ZC3H12B: variants seen among roughly 807,000 people sequenced by gnomAD.
ZC3H12B encodes the protein zinc finger CCCH-type containing 12B.
In ZC3H12B, 7 loss-of-function variants were observed where a neutral mutation model predicts 43.9. The observed-to-expected ratio is 0.16, with a 90% CI of 0.09 to 0.30. The LOEUF (loss-of-function observed/expected upper bound fraction) is 0.30. Among genes scored for constraint, ZC3H12B ranks in the 10% least tolerant of loss-of-function variants. ZC3H12B has a pLI of 1.00. For missense variants in ZC3H12B, 475 were observed against 670.2 expected, an observed-to-expected ratio of 0.71 and a Z score of 3.22; for synonymous variants, 222 against 241.7, an observed-to-expected ratio of 0.92 and a Z score of 0.76.
chrX:65,389,443 G>C (rs1268237575), intron 2 of ZC3H12B, among the ~76,000 whole-genome samples: 1 of 112,568 alleles, frequency 8.9e-6, no homozygotes, highest in Non-Finnish European at 1.9e-5. Flanking sequence ...GCCAGGCACG[G>C]GATATAATCT....
the ZC3H12B span, among the ~76,000 whole-genome samples, chrX:65,207,526 G>T: frequency 8.2e-5 from 9 of 110,213 alleles, no homozygotes; most frequent in African/African-American, 3.0e-4. Flanking sequence ...CTATACATTG[G>T]GTACAGTGTA....
the ZC3H12B span, among the ~76,000 whole-genome samples, chrX:65,260,206 C>A: frequency 2.7e-5 from 3 of 109,783 alleles, no homozygotes; most frequent in Non-Finnish European, 3.8e-5. Flanking sequence ...CACCTGTTCC[C>A]AAAAACCTAT....
At chrX:65,118,285 G>A in the ZC3H12B span, among the ~76,000 whole-genome samples, 4 of 111,585 alleles carry the variant, frequency 3.6e-5, no homozygotes, top group East Asian at 5.7e-4. Context: ...GACATCGCAC[G>A]TAAGTTGGAT....
At chrX:65,064,428 G>A in the ZC3H12B span, among the ~76,000 whole-genome samples, 1 of 112,192 alleles carries the variant, frequency 8.9e-6, no homozygotes, top group East Asian at 2.8e-4. Flanking sequence ...TCATTCAGAA[G>A]CAGGTTGTTC....
chrX:65,413,501 T>C (rs764694553), intron 3 of ZC3H12B, among the ~76,000 whole-genome samples: 1 of 112,128 alleles, frequency 8.9e-6, no homozygotes, highest in South Asian at 3.7e-4. Context: ...TTCCATGTTT[T>C]TATCTAGTTG....
At chrX:65,427,921 G>A (rs2067103590) in intron 3 of ZC3H12B, among the ~76,000 whole-genome samples, 1 of 111,628 alleles carries the variant, frequency 9.0e-6, no homozygotes, top group Admixed American at 9.5e-5. Flanking sequence ...CTCCCATATT[G>A]AGTGCTTCCT....
At chrX:65,298,989 G>C in the ZC3H12B span, among the ~76,000 whole-genome samples, 1 of 111,494 alleles carries the variant, frequency 9.0e-6, no homozygotes, top group Admixed American at 9.6e-5. Context: ...CTGCACCCAT[G>C]ATTCAATTAC....
At chrX:65,058,102 C>T in the ZC3H12B span, among the ~76,000 whole-genome samples, 1 of 112,343 alleles carries the variant, frequency 8.9e-6, no homozygotes, top group Non-Finnish European at 1.9e-5. Flanking sequence ...CATTCTCTGT[C>T]CAGTTTTTTC....
At chrX:65,123,250 C>G in the ZC3H12B span, among the ~76,000 whole-genome samples, 1 of 111,666 alleles carries the variant, frequency 9.0e-6, no homozygotes, top group African/African-American at 3.2e-5. Flanking sequence ...GTATGTTGAA[C>G]CAGCCTTGCA....
At chrX:65,161,919 C>T in the ZC3H12B span, among the ~76,000 whole-genome samples, 2 of 111,743 alleles carry the variant, frequency 1.8e-5, no homozygotes, top group South Asian at 7.5e-4. Context: ...TGTTCCTTTC[C>T]ATGTTTAGTG....
At chrX:65,099,527 A>G in the ZC3H12B span, among the ~76,000 whole-genome samples, 4 of 111,722 alleles carry the variant, frequency 3.6e-5, no homozygotes, top group Non-Finnish European at 7.5e-5. Context: ...TTCCAGAGGA[A>G]GGAGTAGGCA....
the ZC3H12B span, among the ~76,000 whole-genome samples, chrX:65,213,646 G>T: frequency 9.0e-6 from 1 of 110,651 alleles, no homozygotes; most frequent in Non-Finnish European, 1.9e-5. Flanking sequence ...CTATGAAGTG[G>T]TTACTTTGTT....
chrX:65,395,957 T>C, intron 2 of ZC3H12B, among the ~76,000 whole-genome samples: 1 of 111,984 alleles, frequency 8.9e-6, no homozygotes, highest in Middle Eastern at 4.6e-3. Context: ...TCTTCTAGGT[T>C]TCCTAGTTTA....
chrX:65,163,080 C>T, the ZC3H12B span, among the ~76,000 whole-genome samples: 2 of 111,183 alleles, frequency 1.8e-5, no homozygotes, highest in African/African-American at 3.3e-5. Context: ...TGCAGAACAG[C>T]GGATTTTTGT....
At chrX:65,205,879 C>A in the ZC3H12B span, among the ~76,000 whole-genome samples, 36 of 111,788 alleles carry the variant, frequency 3.2e-4, 1 homozygote, top group South Asian at 2.6e-3. Context: ...CCAACAGCAA[C>A]CAAGCTGAGA....
chrX:65,041,377 T>A, the ZC3H12B span, among the ~76,000 whole-genome samples: 1 of 111,760 alleles, frequency 8.9e-6, no homozygotes, highest in African/African-American at 3.3e-5. Context: ...GCATTGGAGC[T>A]TTTTTACTGG....
At chrX:65,093,857 G>A in the ZC3H12B span, among the ~76,000 whole-genome samples, 3 of 111,563 alleles carry the variant, frequency 2.7e-5, no homozygotes, top group South Asian at 7.7e-4. Context: ...CTGTTGATAA[G>A]GGATGATTGT....
the ZC3H12B span, among the ~76,000 whole-genome samples, chrX:65,353,357 G>A: frequency 1.3e-4 from 14 of 111,123 alleles, no homozygotes; most frequent in Middle Eastern, 4.6e-3. Flanking sequence ...TGGCAAAACA[G>A]TGTTGATATT....
the ZC3H12B span, among the ~76,000 whole-genome samples, chrX:65,295,129 A>C: frequency 7.2e-5 from 8 of 111,687 alleles, no homozygotes; most frequent in African/African-American, 2.6e-4. Context: ...CAGTAAATTT[A>C]AGAAAATTGA....
Sources: allele counts gnomAD v4.1 joint callset (sites outside exome capture counted in the v4.1 genomes callset), GRCh38; gene constraint gnomAD v4.1.1; transcripts MANE v1.5; gene names NCBI Gene and HGNC (gene_info 2026-07-23, HGNC 2026-07-21).